ANO2: variants seen among roughly 807,000 people sequenced by gnomAD.
ANO2 encodes anoctamin-2.
ANO2 carries 101 observed loss-of-function variants against 124.2 expected under a neutral mutation model. The ratio of observed to expected loss-of-function variants is 0.81; its 90% CI spans 0.69 to 0.96. The LOEUF is 0.96. ANO2 is among the 40% of genes least tolerant of loss of function. The probability of loss-of-function intolerance (pLI) is 0.00; values close to 1 mark genes in which losing one functional copy is unlikely to be tolerated. For missense variants in ANO2, 1,293 were observed against 1,274.5 expected, an observed-to-expected ratio of 1.01 and a Z score of -0.22; for synonymous variants, 486 against 482.5, an observed-to-expected ratio of 1.01 and a Z score of -0.09.
At chr12:5,715,880 G>T (rs766848850) in intron 14 of ANO2, among the ~76,000 whole-genome samples, 11 of 152,154 alleles carry the variant, frequency 7.2e-5, no homozygotes, top group Non-Finnish European at 1.5e-4. Flanking sequence ...ATAAGCACAA[G>T]TATGTTCGTG....
intron 14 of ANO2, among the ~76,000 whole-genome samples, chr12:5,696,758 A>T (rs1330278689): frequency 6.6e-6 from 1 of 152,232 alleles, no homozygotes; most frequent in African/African-American, 2.4e-5. Context: ...GCAATATATT[A>T]AAATAAGTAC....
chr12:5,942,077 A>ACC (rs1942917267), intron 1 of ANO2, among the ~76,000 whole-genome samples: 1 of 127,224 alleles, frequency 7.9e-6, no homozygotes, highest in Non-Finnish European at 1.8e-5. Context: ...TCTTCCTAAG[A>ACC]ACTTCCTGAT....
upstream of ANO2, chr12:5,945,370 G>A (rs1565802885): frequency 1.3e-6 from 1 of 799,582 alleles, no homozygotes; most frequent in Non-Finnish European, 1.5e-6. Context: ...CCCGGCCGCC[G>A]GCGCCGCGCA....
In ANO2 at chr12:5,732,675, G is replaced by A. The variant is rs2277401; in HGVS notation, c.1435-45C>T. The A allele has an allele frequency of 1.3e-5, 20 of 1,578,592 alleles. No homozygotes were observed. The South Asian group carries it at 2.2e-4, about 18-fold the overall frequency. On this transcript the variant is annotated intron_variant, in intron 13 of 24. Coordinates refer to ENST00000682330, the MANE Select transcript of ANO2 (RefSeq NM_001364791.2). ...GTGGTTAGTAAACAAAAGGAAGAATGACCTTGGCCTTAGGGTTATAACCAG... is the reference window on the plus strand; with the variant it reads ...GTGGTTAGTAAACAAAAGGAAGAATAACCTTGGCCTTAGGGTTATAACCAG...
chr12:5,820,940 G>A (rs1460030698), intron 7 of ANO2, among the ~76,000 whole-genome samples: 2 of 152,204 alleles, frequency 1.3e-5, no homozygotes, highest in Non-Finnish European at 2.9e-5. Flanking sequence ...CTGTCCATTA[G>A]GCCCACCAGA....
intron 15 of ANO2, among the ~76,000 whole-genome samples, chr12:5,647,293 A>G (rs751766145): frequency 6.6e-6 from 1 of 152,168 alleles, no homozygotes; most frequent in Admixed American, 6.5e-5. Flanking sequence ...GGCTGTACCA[A>G]ACTCTAAGGT....
rs1945964179 is a variant in ANO2 at position 5,635,436 on chromosome 12, T to C, written c.1621-89A>G. 1 of 1,005,850 alleles carries C rather than the reference T, an allele frequency of 9.9e-7. No homozygotes were observed. Among genetic ancestry groups the C allele is most frequent in the Non-Finnish European group, 1.3e-6 (1 of 741,666 alleles). 62.3% of individuals were successfully genotyped at this position (1,005,850 alleles called of 1,614,324 possible). ...CTGCCAACAGTACCATTTGCTGTTA[T>C]CAGATATTATTAATCTGGAATCTTT... On this transcript the variant is annotated intron_variant, in intron 15 of 24. Coordinates refer to ENST00000682330, the MANE Select transcript of ANO2 (RefSeq NM_001364791.2). The surrounding 1 kb of genome is among the most constrained non-coding windows in gnomAD (Gnocchi z 5.2).
chr12:5,658,344 T>C lies in ANO2; in HGVS notation c.1546-10543A>G, dbSNP rs1947265247. ...TATACATAGAACTGTCCCTGGCACA[T>C]AGTTAGAACCCAATACTTGTTGCCT... On this transcript the variant is annotated intron_variant, in intron 14 of 24. Transcript: ENST00000682330. This position sits in a 1 kb window ranked among gnomAD's most constrained non-coding sequence, Gnocchi z 4.3. Among the ~76,000 whole-genome samples the C allele has an allele frequency of 6.6e-6, 1 of 152,026 alleles. No individual in the cohort carries two copies. Among genetic ancestry groups the C allele is most frequent in the Admixed American group, 6.6e-5 (1 of 15,264 alleles).
At chr12:5,604,935 C>T (rs1022820752) in intron 19 of ANO2, among the ~76,000 whole-genome samples, 8 of 151,172 alleles carry the variant, frequency 5.3e-5, no homozygotes, top group Non-Finnish European at 1.2e-4. Context: ...GCTATTTTTC[C>T]GTCCCTTTTT....
At position 5,923,118 on chromosome 12, in the gene ANO2, G is replaced by A. The variant is rs1364863753; in HGVS notation, c.23-314C>T. On this transcript the variant is annotated intron_variant, in intron 1 of 24. Transcript: ENST00000682330. ...CGCACACACATACACACACATGCAC[G>A]CACACACACCCACATACACACACAT... is the stretch of plus-strand genomic sequence containing the variant. Among the ~76,000 whole-genome samples the A allele has an allele frequency of 1.1e-3, 20 of 18,728 alleles. 2 individuals carry two copies. The highest frequency in any genetic ancestry group is 4.7e-3 in the South Asian group (2 of 430). The allele number at this position is 18,728 out of a possible 152,430, so 12.3% of individuals were successfully genotyped here. A position where few individuals can be genotyped will look rare whatever the true frequency, so the allele number is the denominator to read the frequency against.
intron 10 of ANO2, among the ~76,000 whole-genome samples, chr12:5,755,723 A>G (rs1030470015): frequency 2.0e-5 from 3 of 152,158 alleles, no homozygotes; most frequent in South Asian, 2.1e-4. Context: ...TGTCCCTACA[A>G]AGGACATGAA....
At chr12:5,843,249 C>T (rs1954578772) in intron 4 of ANO2, among the ~76,000 whole-genome samples, 1 of 152,198 alleles carries the variant, frequency 6.6e-6, no homozygotes, top group Non-Finnish European at 1.5e-5. Context: ...TGCAAGTTCT[C>T]CATCCTTAAT....
At chr12:5,856,431 C>A (rs745903623) in intron 3 of ANO2, 3 of 152,080 alleles carry the variant, frequency 2.0e-5, no homozygotes, top group Non-Finnish European at 2.9e-5. Flanking sequence ...CTAGCTGTCC[C>A]GACAGCTGTT....
intron 14 of ANO2, among the ~76,000 whole-genome samples, chr12:5,687,917 C>G (rs1486314197): frequency 6.6e-6 from 1 of 152,214 alleles, no homozygotes; most frequent in Non-Finnish European, 1.5e-5. Flanking sequence ...CACTGGTTCC[C>G]TCTCCTGACT....
At chr12:5,918,111 G>T (rs1388940299) in intron 3 of ANO2, among the ~76,000 whole-genome samples, 1 of 147,110 alleles carries the variant, frequency 6.8e-6, no homozygotes, top group East Asian at 2.0e-4. Flanking sequence ...AGTTCCTGGA[G>T]CGAGAATGCA....
At chr12:5,633,624 A>C (rs7969693) in intron 16 of ANO2, among the ~76,000 whole-genome samples, 99,811 of 151,712 alleles carry the variant, frequency 0.66, 33,147 homozygotes, top group East Asian at 0.81. Context: ...CTCCGTCAGC[A>C]CAGTTTCCCA....
At chr12:5,873,197 C>CTT (rs1565739210) in intron 3 of ANO2, among the ~76,000 whole-genome samples, 3 of 4,220 alleles carry the variant, frequency 7.1e-4, no homozygotes, top group East Asian at 0.011. Flanking sequence ...CCTAAAGCAG[C>CTT]TCTCTCTCTC....
chr12:5,678,951 G>A (rs1307091723), intron 14 of ANO2, among the ~76,000 whole-genome samples: 2 of 152,180 alleles, frequency 1.3e-5, no homozygotes, highest in Admixed American at 6.5e-5. Flanking sequence ...AAAAGCATGC[G>A]AGTGGGTATA....
Position 5,745,722 on chromosome 12 carries a change from G to A in ANO2, c.1191-1405C>T, listed in dbSNP as rs963219081. ...CCTGTGTGAGAGAATGGAAATTGTC[G>A]GTCCCTGAGGATAAACCCCAGTTCC... On this transcript the variant is annotated intron_variant, in intron 11 of 24. Coordinates refer to ENST00000682330, the MANE Select transcript of ANO2 (RefSeq NM_001364791.2). Among the ~76,000 whole-genome samples, 4 of 152,114 alleles carry A rather than the reference G, an allele frequency of 2.6e-5. No individual in the cohort carries two copies. In the South Asian group the frequency reaches 6.3e-4, roughly 24 times the overall value.
Sources: allele counts gnomAD v4.1 joint callset (sites outside exome capture counted in the v4.1 genomes callset), GRCh38; gene constraint gnomAD v4.1.1; non-coding constraint Gnocchi (gnomAD v3.1); transcripts MANE v1.5; gene names NCBI Gene and HGNC (gene_info 2026-07-23, HGNC 2026-07-21).